CLIC6: variants seen among roughly 807,000 people sequenced by gnomAD.
The protein encoded by CLIC6 is chloride intracellular channel protein 6.
A neutral mutation model predicts 49.2 loss-of-function variants in CLIC6; 39 were observed. The observed-to-expected ratio is 0.79, with a 90% CI of 0.61 to 1.04. CLIC6 has a LOEUF of 1.04. CLIC6 is among the 50% of genes least tolerant of loss of function. CLIC6 has a pLI of 0.00. For missense variants in CLIC6, 988 were observed against 993.1 expected (o/e 0.99, Z 0.07); for synonymous variants, 446 against 433.4 (o/e 1.03, Z -0.36).
chr21:34,708,206 G>T (rs1267411985), intron 3 of CLIC6, 137 bp downstream of exon 3: 1 of 1,024,860 alleles, frequency 9.8e-7, no homozygotes, highest in African/African-American at 1.6e-5. Flanking sequence ...CATAACCCTG[G>T]TGTAACCAGA....
chr21:34,706,137 G>A (rs2056012967), intron 1 of CLIC6: 2 of 638,888 alleles, frequency 3.1e-6, no homozygotes, highest in Non-Finnish European at 5.6e-6. Context: ...AGGCTTTGTA[G>A]GAAGCATGGT....
Position 34,710,414 on chromosome 21 carries a change from G to A in CLIC6, c.1899+876G>A, listed in dbSNP as rs76298284. On this transcript the variant is annotated intron_variant, in intron 5 of 5. Transcript: ENST00000349499. ...GCCTTCCCATATAGTAGCTGAACAT[G>A]ATTTAAGAGCCATGAGTCATGTATT... 5.9e-5 allele frequency among the ~76,000 whole-genome samples: 9 copies of A among 152,304 alleles called. No individual in the cohort carries two copies. In the East Asian group the frequency reaches 1.7e-3, roughly 29 times the overall value.
intron 1 of CLIC6, among the ~76,000 whole-genome samples, chr21:34,689,969 C>A (rs1394381219): frequency 6.6e-6 from 1 of 152,254 alleles, no homozygotes; most frequent in Non-Finnish European, 1.5e-5. Context: ...CATTCTGACT[C>A]TAGCTCTCTA....
chr21:34,673,886 G>A (rs1243670748), intron 1 of CLIC6, among the ~76,000 whole-genome samples: 3 of 152,086 alleles, frequency 2.0e-5, no homozygotes, highest in African/African-American at 4.8e-5. Context: ...AGTTTTGTCT[G>A]GGTTCTATTC....
Position 34,669,788 on chromosome 21 carries a change from GC to G in CLIC6, c.405del (p.Glu136ArgfsTer25), listed in dbSNP as rs1257840491. 11 of 1,423,830 alleles carry G rather than the reference GC, an allele frequency of 7.7e-6. No homozygotes were observed. The highest frequency in any genetic ancestry group is 2.9e-5 in the South Asian group (2 of 68,642). The allele number at this position is 1,423,830 out of a possible 1,614,324, so 88.2% of individuals were successfully genotyped here. A position where few individuals can be genotyped will look rare whatever the true frequency, so the allele number is the denominator to read the frequency against. ...TCAGAGGGAGCCCGAGGACTCTGCG[GC>G]CCCCGAGAGGCAGGAGGAGGCGGAG... ...EAQREPEDSA[A>X]PERQEEAEQR... On this transcript the variant is annotated frameshift_variant, in exon 1 of 6. Coordinates refer to ENST00000349499, the MANE Select transcript of CLIC6 (RefSeq NM_053277.3). LOFTEE classifies it high-confidence loss of function.
intron 1 of CLIC6, among the ~76,000 whole-genome samples, chr21:34,689,583 A>G (rs1989950672): frequency 6.6e-6 from 1 of 151,568 alleles, no homozygotes; most frequent in South Asian, 2.1e-4. Context: ...TTGGTGAGTT[A>G]AGGGATCTGA....
chr21:34,702,641 G>A (rs2055988053), intron 1 of CLIC6, among the ~76,000 whole-genome samples: 1 of 152,216 alleles, frequency 6.6e-6, no homozygotes, highest in Non-Finnish European at 1.5e-5. Context: ...GGCTGGCTGT[G>A]TGGCTTGAAG....
At chr21:34,691,494 G>A (rs1688138218) in intron 1 of CLIC6, among the ~76,000 whole-genome samples, 1 of 151,636 alleles carries the variant, frequency 6.6e-6, no homozygotes, top group African/African-American at 2.4e-5. Context: ...TGTAAAGCTT[G>A]TGAAACCCGA....
In CLIC6 at chr21:34,718,188, G is replaced by GA. The variant is rs1478956931; in HGVS notation, c.*1710dup. 1 of 152,568 alleles carries GA rather than the reference G, an allele frequency of 6.6e-6. No individual in the cohort carries two copies. Among genetic ancestry groups the GA allele is most frequent in the Non-Finnish European group, 1.5e-5 (1 of 68,026 alleles). 9.5% of individuals were successfully genotyped at this position (152,568 alleles called of 1,614,324 possible). On this transcript the variant is annotated 3_prime_UTR_variant, in exon 6 of 6. Transcript: ENST00000349499. ...GATTGACATAAACTCTTTGTGCCTT[G>GA]AAAATGAAACAAATTATAAAAATGT...
chr21:34,703,643 C>G (rs573237060), intron 1 of CLIC6, among the ~76,000 whole-genome samples: 1 of 152,168 alleles, frequency 6.6e-6, no homozygotes, highest in South Asian at 2.1e-4. Context: ...AAAGAGCCGG[C>G]AGGAGAGTCT....
rs969512580 is a variant in CLIC6 at position 34,698,410 on chromosome 21, GAGGA to G, written c.1375-8862_1375-8859del. On this transcript the variant is annotated intron_variant, in intron 1 of 5. Coordinates refer to ENST00000349499, the MANE Select transcript of CLIC6 (RefSeq NM_053277.3). The stretch of plus-strand genomic sequence containing the variant: ...AAGGAAAGAGACAAAAGGAATGAAG[GAGGA>G]AGGAAGGGAGGGAGGGAGATAGGGA... Among the ~76,000 whole-genome samples the G allele has an allele frequency of 7.2e-5, 11 of 151,848 alleles. No individual in the cohort carries two copies. In the South Asian group the frequency reaches 1.0e-3, roughly 14 times the overall value.
intron 1 of CLIC6, among the ~76,000 whole-genome samples, chr21:34,686,719 G>A (rs1235710813): frequency 1.3e-5 from 2 of 152,140 alleles, no homozygotes; most frequent in African/African-American, 2.4e-5. Context: ...AATCCTAGCT[G>A]AGCCCAGCCT....
chr21:34,701,954 G>A (rs1990198709), intron 1 of CLIC6, among the ~76,000 whole-genome samples: 1 of 152,024 alleles, frequency 6.6e-6, no homozygotes, highest in South Asian at 2.1e-4. Context: ...TCCCGTAGAT[G>A]TGACTCTCGG....
chr21:34,695,278 C>A (rs960964736), intron 1 of CLIC6, among the ~76,000 whole-genome samples: 18 of 152,214 alleles, frequency 1.2e-4, no homozygotes, highest in African/African-American at 4.3e-4. Flanking sequence ...CTTCCCTAAT[C>A]AAACCTGTCC....
chr21:34,699,042 G>T (rs150565125), intron 1 of CLIC6, among the ~76,000 whole-genome samples: 1 of 152,092 alleles, frequency 6.6e-6, no homozygotes, highest in Non-Finnish European at 1.5e-5. Flanking sequence ...GAGAGAGAGC[G>T]CACTTTATTC....
At chr21:34,685,106 T>C (rs924285262) in intron 1 of CLIC6, among the ~76,000 whole-genome samples, 3 of 152,070 alleles carry the variant, frequency 2.0e-5, no homozygotes, top group Non-Finnish European at 2.9e-5. Flanking sequence ...GCTTTTATTT[T>C]CCTAGCTTTG....
chr21:34,705,588 G>A (rs555886023), intron 1 of CLIC6, among the ~76,000 whole-genome samples: 98 of 152,294 alleles, frequency 6.4e-4, no homozygotes, highest in Admixed American at 1.4e-3. Flanking sequence ...TAATGCTGGC[G>A]TGGGGAGGGG....
chr21:34,685,133 G>C (rs1989852419), intron 1 of CLIC6, among the ~76,000 whole-genome samples: 1 of 152,116 alleles, frequency 6.6e-6, no homozygotes, highest in Non-Finnish European at 1.5e-5. Context: ...TGGCAGGGTG[G>C]GGGGTGGTGT....
Position 34,709,441 on chromosome 21 carries a change from G to A in CLIC6, c.1802G>A (p.Ser601Asn), listed in dbSNP as rs1179756031. 6.2e-7 allele frequency: 1 copy of A among 1,614,002 alleles called. No homozygotes were observed. The highest frequency in any genetic ancestry group is 1.1e-5 in the South Asian group (1 of 91,070). The change falls in exon 5 of 6, where the codon AGC becomes AAC. Residue 601 changes from serine (S) to asparagine (N), a missense_variant. Around this residue, in one of 3 missense-constraint regions of CLIC6, gnomAD observed 647 missense variants for 596.9 expected, o/e 1.08. Transcript: ENST00000349499. The stretch of plus-strand genomic sequence containing the variant: ...CTGCCTGATGAAATAGATGCCTACA[G>A]CACCGAGGATGTCACTGTTTCTGGA... Reference protein sequence around the residue: ...SPLPDEIDAYSTEDVTVSGRK... With the variant: ...SPLPDEIDAYNTEDVTVSGRK...
Sources: allele counts gnomAD v4.1 joint callset (sites outside exome capture counted in the v4.1 genomes callset), GRCh38; gene constraint gnomAD v4.1.1; regional missense constraint gnomAD v4.1.1; transcripts MANE v1.5; gene names NCBI Gene and HGNC (gene_info 2026-07-23, HGNC 2026-07-21).